The following SH3PXD2B variants were observed in gnomAD, a reference collection of about 807,000 sequenced individuals.
SH3PXD2B encodes the protein SH3 and PX domains 2B.
SH3PXD2B carries 37 observed loss-of-function variants against 73.1 expected under a neutral mutation model. The observed-to-expected ratio is 0.51, with a 90% CI of 0.39 to 0.67. SH3PXD2B has a LOEUF of 0.67. SH3PXD2B is among the 30% of genes least tolerant of loss of function. SH3PXD2B has a pLI of 0.00. For synonymous variants in SH3PXD2B, 457 were observed against 480.5 expected, an observed-to-expected ratio of 0.95 and a Z score of 0.64; for missense variants, 1,053 against 1,197.8, an observed-to-expected ratio of 0.88 and a Z score of 1.78.
At chr5:172,394,987 A>G (rs192041644) in intron 3 of SH3PXD2B, among the ~76,000 whole-genome samples, 1 of 152,260 alleles carries the variant, frequency 6.6e-6, no homozygotes, top group East Asian at 1.9e-4. Context: ...CAACTCCAGG[A>G]TTCTGGCTGG....
At chr5:172,327,950 T>G (rs1164626831) in intron 12 of SH3PXD2B, among the ~76,000 whole-genome samples, 2 of 152,058 alleles carry the variant, frequency 1.3e-5, no homozygotes, top group Non-Finnish European at 2.9e-5. Flanking sequence ...AGATGGGGTT[T>G]CACCATGTTG....
chr5:172,447,845 C>T (rs1042467276), intron 1 of SH3PXD2B, among the ~76,000 whole-genome samples: 3 of 143,722 alleles, frequency 2.1e-5, no homozygotes, highest in African/African-American at 7.6e-5. Flanking sequence ...TGAGGATGAC[C>T]GGCCAGGTGA....
rs1756649558 is a variant in SH3PXD2B, at chr5:172,334,850, C to T, written c.*3519G>A. ...ACGTGGCATATGTTCCCCCATCTTC[C>T]ACCTGGTAATGAAATCCTCAGTGGG... On this transcript the variant is annotated 3_prime_UTR_variant, in exon 13 of 13. Coordinates refer to ENST00000311601, the MANE Select transcript of SH3PXD2B (RefSeq NM_001017995.3). 1 of 985,444 alleles carries T rather than the reference C, an allele frequency of 1.0e-6. No homozygotes were observed. The highest frequency in any genetic ancestry group is 1.2e-6 in the Non-Finnish European group (1 of 829,960). The allele number at this position is 985,444 out of a possible 1,614,324, so 61.0% of individuals were successfully genotyped here.
intron 3 of SH3PXD2B, among the ~76,000 whole-genome samples, chr5:172,402,676 T>C (rs932083505): frequency 6.6e-6 from 1 of 151,998 alleles, no homozygotes; most frequent in Admixed American, 6.5e-5. Flanking sequence ...GTTCCCCCAA[T>C]AGGGGGAATT....
At position 172,338,710 on chromosome 5, in the gene SH3PXD2B, G is replaced by A. The variant is rs562915075; in HGVS notation, c.2395C>T (p.Leu799Phe). ...AAAGGTTTGGCTTTTGGAGGGACGA[G>A]GAGAGCACGGCCTGGGGTGGGAGCT... ...RAAPTPGRAL[L>F]VPPKAKPFLS... The change falls in exon 13 of 13, where the codon CTC (leucine) becomes TTC (phenylalanine). Residue 799 changes from leucine to phenylalanine, a missense_variant. Leu to Phe is a conservative substitution (Grantham distance 22). Coordinates refer to ENST00000311601, the MANE Select transcript of SH3PXD2B (RefSeq NM_001017995.3). The surrounding 1 kb of genome is among the most constrained non-coding windows in gnomAD (Gnocchi z 5.1). 2.1e-5 allele frequency: 34 copies of A among 1,611,984 alleles called. No homozygotes were observed. The highest frequency in any genetic ancestry group is 1.1e-4 in the South Asian group (10 of 91,090).
chr5:172,454,439 G>C lies in SH3PXD2B; in HGVS notation c.-87C>G. On this transcript the variant is annotated 5_prime_UTR_variant, in exon 1 of 13. Coordinates refer to ENST00000311601, the MANE Select transcript of SH3PXD2B (RefSeq NM_001017995.3). ...GCTGGGGGCGCGCCGCCGCGGGCAG[G>C]GAACCTGGAGCTGAGCGCAATCGCA... 4.9e-6 allele frequency: 4 copies of C among 815,146 alleles called. No individual in the cohort carries two copies. Among genetic ancestry groups the C allele is most frequent in the Non-Finnish European group, 6.3e-6 (4 of 639,844 alleles). The allele number at this position is 815,146 out of a possible 1,614,324, so 50.5% of individuals were successfully genotyped here.
downstream of SH3PXD2B, among the ~76,000 whole-genome samples, chr5:172,330,140 T>C (rs780598820): frequency 6.6e-6 from 1 of 152,152 alleles, no homozygotes; most frequent in Non-Finnish European, 1.5e-5. Context: ...GTAATCTGAG[T>C]GCTTCATTGA....
chr5:172,338,668 C>T lies in SH3PXD2B; in HGVS notation c.2437G>A (p.Gly813Arg), dbSNP rs376893926. The T allele has an allele frequency of 4.3e-6, 7 of 1,614,208 alleles. No individual in the cohort carries two copies. Among genetic ancestry groups the T allele is most frequent in the South Asian group, 1.1e-5 (1 of 91,078 alleles). Residue 813 changes from glycine to arginine, a missense_variant, in exon 13 of 13, where the codon GGG becomes AGG. Physicochemically the swap from Gly to Arg is moderately radical, Grantham distance 125. This residue lies in a region of SH3PXD2B where 587 missense variants were observed against 590.7 expected (regional missense o/e 0.99). Transcript: ENST00000311601. This position sits in a 1 kb window ranked among gnomAD's most constrained non-coding sequence, Gnocchi z 5.1. ...KAKPFLSNSL[G>R]GQDDTRGKGS... ...TTGCCTCGCGTGTCATCCTGGCCCC[C>T]CAAAGAGTTGGAGAGAAAAGGTTTG... is the stretch of plus-strand genomic sequence containing the variant.
At position 172,348,654 on chromosome 5, in the gene SH3PXD2B, CCTATCTATCTATCTAT is replaced by C. The variant is rs55939833; in HGVS notation, c.1013-1338_1013-1323del. Among the ~76,000 whole-genome samples the C allele has an allele frequency of 2.0e-3, 119 of 60,446 alleles. 1 individual carries two copies. The highest frequency in any genetic ancestry group is 6.6e-3 in the East Asian group (10 of 1,518). 39.7% of individuals were successfully genotyped at this position (60,446 alleles called of 152,430 possible). A position where few individuals can be genotyped will look rare whatever the true frequency, so the allele number is the denominator to read the frequency against. On this transcript the variant is annotated intron_variant, in intron 10 of 12. Coordinates refer to ENST00000311601, the MANE Select transcript of SH3PXD2B (RefSeq NM_001017995.3). Reference sequence around the variant, plus strand: ...TCTATCTATGTATCTATCTATCTATCCTATCTATCTATCTATCTATCTATCTATCTATCTATCTATC... The same window carrying C: ...TCTATCTATGTATCTATCTATCTATCCTATCTATCTATCTATCTATCTATC...
intron 2 of SH3PXD2B, among the ~76,000 whole-genome samples, chr5:172,419,523 C>T (rs997411904): frequency 6.6e-6 from 1 of 152,150 alleles, no homozygotes. Context: ...GTGGAAGGTG[C>T]TCACTGGGGG....
chr5:172,402,913 G>A (rs931947721), intron 3 of SH3PXD2B, among the ~76,000 whole-genome samples: 3 of 152,264 alleles, frequency 2.0e-5, no homozygotes, highest in African/African-American at 7.2e-5. Flanking sequence ...GCCTCCAGCA[G>A]GCCAATTTGT....
chr5:172,414,282 A>C (rs567928501), intron 2 of SH3PXD2B, among the ~76,000 whole-genome samples: 2 of 152,024 alleles, frequency 1.3e-5, no homozygotes, highest in Admixed American at 1.3e-4. Flanking sequence ...TGGCCTGACC[A>C]ACACGGCAAA....
chr5:172,401,380 G>A (rs1758417614), intron 3 of SH3PXD2B, among the ~76,000 whole-genome samples: 1 of 152,182 alleles, frequency 6.6e-6, no homozygotes, highest in African/African-American at 2.4e-5. Flanking sequence ...ATTGTGCCTG[G>A]AGCTGAGGCG....
chr5:172,412,481 A>ACAAG (rs1758723142), intron 2 of SH3PXD2B, among the ~76,000 whole-genome samples: 2 of 152,224 alleles, frequency 1.3e-5, no homozygotes, highest in Admixed American at 6.5e-5. Flanking sequence ...CCTCCTATTT[A>ACAAG]AACCACATCC....
Position 172,338,472 on chromosome 5 carries a change from ACTT to A in SH3PXD2B, c.2630_2632del (p.Glu877del). ...CCAGCCACTGCTGTTCTTCTCCCGG[ACTT>A]CAAACACTGTCCCTTCCTGGAAGCT... is the stretch of plus-strand genomic sequence containing the variant. On this transcript the variant is annotated inframe_deletion, in exon 13 of 13. Transcript: ENST00000311601. The surrounding 1 kb of genome is among the most constrained non-coding windows in gnomAD (Gnocchi z 5.1). 1 of 1,614,130 alleles carries A rather than the reference ACTT, an allele frequency of 6.2e-7. No homozygotes were observed. Among genetic ancestry groups the A allele is most frequent in the Non-Finnish European group, 8.5e-7 (1 of 1,180,030 alleles).
chr5:172,334,116 C>A lies in SH3PXD2B; in HGVS notation c.*4253G>T. On this transcript the variant is annotated 3_prime_UTR_variant, in exon 13 of 13. Transcript: ENST00000311601. ...CCCTGATTGGAGCTAAGAAGGCTTA[C>A]TTTGGAGTCGAGGATAGAAACGGGA... The A allele has an allele frequency of 1.8e-6, 2 of 1,113,868 alleles. No individual in the cohort carries two copies. Among genetic ancestry groups the A allele is most frequent in the Non-Finnish European group, 2.2e-6 (2 of 908,680 alleles). 69.0% of individuals were successfully genotyped at this position (1,113,868 alleles called of 1,614,324 possible).
chr5:172,347,188 A>G, intron 11 of SH3PXD2B, 95 bp downstream of exon 11: 2 of 1,256,086 alleles, frequency 1.6e-6, no homozygotes, highest in East Asian at 2.3e-5. Flanking sequence ...GAAAGAGAGC[A>G]TTTCTGGAAG....
rs565215188 is a variant in SH3PXD2B, at chr5:172,333,510, G to A, written c.*4859C>T. On this transcript the variant is annotated 3_prime_UTR_variant, in exon 13 of 13. Transcript: ENST00000311601. ...ATAGACACTGCATCTTCATGATGAAGCTTGAAACCAGTCAAGCACTTTTTT... is the reference window on the plus strand; with the variant it reads ...ATAGACACTGCATCTTCATGATGAAACTTGAAACCAGTCAAGCACTTTTTT... The A allele has an allele frequency of 8.5e-7, 1 of 1,172,162 alleles. No homozygotes were observed. The highest frequency in any genetic ancestry group is 1.7e-5 in the South Asian group (1 of 60,412). 72.6% of individuals were successfully genotyped at this position (1,172,162 alleles called of 1,614,324 possible).
At chr5:172,352,310 A>T (rs967065923) in intron 9 of SH3PXD2B, among the ~76,000 whole-genome samples, 1 of 152,184 alleles carries the variant, frequency 6.6e-6, no homozygotes, top group African/African-American at 2.4e-5. Flanking sequence ...TCGCAGCCTC[A>T]AACTCTTGGG....
Sources: gnomAD v4.1 joint callset for allele counts (sites outside exome capture counted in the v4.1 genomes callset) on GRCh38, gnomAD v4.1.1 for gene constraint, gnomAD v4.1.1 regional missense constraint, Gnocchi (gnomAD v3.1) non-coding constraint, MANE v1.5 for transcripts, NCBI Gene and HGNC (gene_info 2026-07-23, HGNC 2026-07-21) for gene names.